Variants in ALG14 observed in about 807,000 individuals in gnomAD.
ALG14 encodes ALG14 UDP-N-acetylglucosaminyltransferase subunit, also known as UDP-N-acetylglucosamine transferase subunit ALG14.
ALG14 carries 17 observed loss-of-function variants against 22.8 expected under a neutral mutation model. That is an observed-to-expected ratio of 0.75 (90% CI 0.51 to 1.12). The LOEUF is 1.12. ALG14 is among the 50% of genes most tolerant of loss of function. ALG14 has a pLI of 0.00. For missense variants in ALG14, 288 were observed against 271.8 expected, an observed-to-expected ratio of 1.06 and a Z score of -0.42; for synonymous variants, 89 against 103.7, an observed-to-expected ratio of 0.86 and a Z score of 0.86.
At position 94,976,748 on chromosome 1, in the gene ALG14, G is replaced by C. The variant is rs1672404115; in HGVS notation, c.*6328C>G. The C allele has an allele frequency of 6.6e-6, 1 of 152,014 alleles. No individual in the cohort carries two copies. The highest frequency in any genetic ancestry group is 2.1e-4 in the South Asian group (1 of 4,820). The allele number at this position is 152,014 out of a possible 1,614,324, so 9.4% of individuals were successfully genotyped here. A position where few individuals can be genotyped will look rare whatever the true frequency, so the allele number is the denominator to read the frequency against. On this transcript the variant is annotated 3_prime_UTR_variant, in exon 4 of 4. Transcript: ENST00000370205. ...TCCACCCCCTGATTTACATGCCCTG[G>C]ATAATCTACTATCCGTTAGTATGGG...
chr1:95,059,830 C>T (rs974649795), intron 2 of ALG14, among the ~76,000 whole-genome samples: 2 of 151,944 alleles, frequency 1.3e-5, no homozygotes, highest in Admixed American at 6.6e-5. Context: ...TTGAAATACA[C>T]GTAGCCACAT....
At chr1:95,031,133 G>A (rs1673988684) in intron 2 of ALG14, among the ~76,000 whole-genome samples, 1 of 152,094 alleles carries the variant, frequency 6.6e-6, no homozygotes, top group Non-Finnish European at 1.5e-5. Flanking sequence ...CTGCAGAGGT[G>A]GATCTCAGCC....
intron 3 of ALG14, among the ~76,000 whole-genome samples, chr1:95,014,095 G>C (rs1263401844): frequency 3.3e-5 from 5 of 152,016 alleles, no homozygotes; most frequent in African/African-American, 1.2e-4. Flanking sequence ...TACTGAACAA[G>C]TTCTAATTAC....
At chr1:94,996,645 A>G (rs1571585424) in intron 3 of ALG14, among the ~76,000 whole-genome samples, 1 of 152,184 alleles carries the variant, frequency 6.6e-6, no homozygotes, top group Admixed American at 6.6e-5. Context: ...CCAAAGGACT[A>G]GAAGTTAGTT....
chr1:94,997,816 G>A (rs1284043083), intron 3 of ALG14, among the ~76,000 whole-genome samples: 1 of 152,200 alleles, frequency 6.6e-6, no homozygotes, highest in Non-Finnish European at 1.5e-5. Flanking sequence ...ACCAAAAGGT[G>A]TGTCTTGTAA....
chr1:95,059,940 T>C (rs1675076547), intron 2 of ALG14, among the ~76,000 whole-genome samples: 1 of 152,022 alleles, frequency 6.6e-6, no homozygotes, highest in Non-Finnish European at 1.5e-5. Flanking sequence ...ACTATTGATT[T>C]CTTCAGCAAG....
At chr1:95,042,254 T>C (rs1044542969) in intron 2 of ALG14, among the ~76,000 whole-genome samples, 1 of 152,022 alleles carries the variant, frequency 6.6e-6, no homozygotes, top group African/African-American at 2.4e-5. Context: ...GATCTCTCCC[T>C]CCTCTGCATT....
rs1023728227 is a variant in ALG14, at chr1:95,035,347, T to C, written c.289-8087A>G. On this transcript the variant is annotated intron_variant, in intron 2 of 3. Transcript: ENST00000370205. ...AGACTCTTTCTTATTCTCTATCGTA[T>C]AGAAGAAAACATATTTTAGTGAAAC... Among the ~76,000 whole-genome samples the C allele has an allele frequency of 2.6e-5, 4 of 152,196 alleles. No homozygotes were observed. In the South Asian group the frequency reaches 8.3e-4, roughly 32 times the overall value.
chr1:95,065,048 A>T, intron 1 of ALG14, 31 bp from the exon 2 acceptor site: 1 of 1,590,712 alleles, frequency 6.3e-7, no homozygotes, highest in South Asian at 1.1e-5. Flanking sequence ...CCTAAGATTA[A>T]GAAACCCACA....
At chr1:95,031,616 T>G (rs1351660090) in intron 2 of ALG14, among the ~76,000 whole-genome samples, 2 of 152,178 alleles carry the variant, frequency 1.3e-5, no homozygotes, top group Non-Finnish European at 2.9e-5. Context: ...TCCTCAGAGA[T>G]ATCTTTCCTG....
intron 3 of ALG14, 91 bp from the exon 4 acceptor site, chr1:94,983,397 A>G: frequency 9.7e-7 from 1 of 1,035,038 alleles, no homozygotes; most frequent in South Asian, 1.5e-5. Context: ...TTCAGAGGGG[A>G]TCTGCTTATG....
intron 3 of ALG14, among the ~76,000 whole-genome samples, chr1:95,014,788 A>G (rs1673456834): frequency 6.6e-6 from 1 of 152,236 alleles, no homozygotes; most frequent in Admixed American, 6.5e-5. Context: ...AGTAGGTTTT[A>G]TGATCCCAGA....
At chr1:95,016,942 GGTGTGT>G (rs55962309) in intron 3 of ALG14, among the ~76,000 whole-genome samples, 20,721 of 129,190 alleles carry the variant, frequency 0.16, 1,739 homozygotes, top group East Asian at 0.29. Context: ...TTGCAAAAGG[GGTGTGT>G]GTGTGTGTGT....
intron 3 of ALG14, among the ~76,000 whole-genome samples, chr1:95,025,567 T>C (rs541110244): frequency 6.6e-6 from 1 of 152,350 alleles, no homozygotes; most frequent in African/African-American, 2.4e-5. Flanking sequence ...AAGGCAGTTT[T>C]GTTTATATGG....
At chr1:95,060,710 T>G (rs564102862) in intron 2 of ALG14, among the ~76,000 whole-genome samples, 1 of 152,074 alleles carries the variant, frequency 6.6e-6, no homozygotes, top group South Asian at 2.1e-4. Context: ...AGTGAGACTC[T>G]GTTTAAAAAA....
intron 2 of ALG14, among the ~76,000 whole-genome samples, chr1:95,028,798 C>CA (rs1167826196): frequency 6.0e-5 from 9 of 148,804 alleles, no homozygotes; most frequent in South Asian, 4.3e-4. Flanking sequence ...GAGTCTGCCT[C>CA]AAAAAAAAGA....
At chr1:95,032,866 T>TA (rs1253123919) in intron 2 of ALG14, among the ~76,000 whole-genome samples, 1 of 152,180 alleles carries the variant, frequency 6.6e-6, no homozygotes, top group Admixed American at 6.5e-5. Context: ...GGCAAAATCT[T>TA]AAGAGAGTTT....
chr1:94,995,850 A>AT (rs1480032148), intron 3 of ALG14, among the ~76,000 whole-genome samples: 1 of 152,226 alleles, frequency 6.6e-6, no homozygotes, highest in Non-Finnish European at 1.5e-5. Flanking sequence ...TCCATCACAC[A>AT]TTTCCCAAAA....
rs1372919804 is a variant in ALG14 at position 94,981,507 on chromosome 1, G to A, written c.*1569C>T. 6.7e-6 allele frequency: 1 copy of A among 148,736 alleles called. No individual in the cohort carries two copies. The highest frequency in any genetic ancestry group is 1.5e-5 in the Non-Finnish European group (1 of 67,448). The allele number at this position is 148,736 out of a possible 1,614,324, so 9.2% of individuals were successfully genotyped here. On this transcript the variant is annotated 3_prime_UTR_variant, in exon 4 of 4. Coordinates refer to ENST00000370205, the MANE Select transcript of ALG14 (RefSeq NM_144988.4). ...AGAAAAAAGGCTGGATCAGCCTCAG[G>A]ATTTTAATCTTACATGATCGTGGAT...
Sources: allele counts gnomAD v4.1 joint callset (sites outside exome capture counted in the v4.1 genomes callset), GRCh38; gene constraint gnomAD v4.1.1; transcripts MANE v1.5; gene names NCBI Gene and HGNC (gene_info 2026-07-23, HGNC 2026-07-21).